PID1: variants seen among roughly 807,000 people sequenced by gnomAD.
PID1 encodes PTB-containing, cubilin and LRP1-interacting protein.
Under a neutral mutation model 19.1 loss-of-function variants are expected in PID1, and 10 were observed. That is an observed-to-expected ratio of 0.52 (90% CI 0.32 to 0.89). The LOEUF (loss-of-function observed/expected upper bound fraction) is 0.89, where lower values mean the gene tolerates loss of function less well. Ranked by LOEUF, PID1 falls within the 40% of genes least tolerant of loss-of-function variation. The probability of loss-of-function intolerance (pLI) is 0.03; values close to 1 mark genes in which losing one functional copy is unlikely to be tolerated. For missense variants in PID1, 248 were observed against 285.3 expected (o/e 0.87, Z 0.94); for synonymous variants, 130 against 116.0 (o/e 1.12, Z -0.78).
At chr2:229,105,470 A>AT (rs1225346715) in intron 2 of PID1, among the ~76,000 whole-genome samples, 1 of 152,214 alleles carries the variant, frequency 6.6e-6, no homozygotes, top group African/African-American at 2.4e-5. Flanking sequence ...GAGATATGCA[A>AT]TTTTTTAAAG....
Position 229,239,477 on chromosome 2 carries a change from C to T in PID1, c.30+31537G>A, listed in dbSNP as rs538222072. Among the ~76,000 whole-genome samples the T allele has an allele frequency of 4.8e-3, 728 of 152,158 alleles. 3 individuals carry two copies. The highest frequency in any genetic ancestry group is 8.0e-3 in the Admixed American group (123 of 15,280). ...CCCCCCGTGTCAATCAACACTAATG[C>T]GGTGGGAGCCTGAGAGCCTCAATGT... is the stretch of plus-strand genomic sequence containing the variant. On this transcript the variant is annotated intron_variant, in intron 1 of 2. Coordinates refer to ENST00000392055, the MANE Select transcript of PID1 (RefSeq NM_001100818.2).
intron 2 of PID1, among the ~76,000 whole-genome samples, chr2:229,089,653 T>C (rs1461974638): frequency 1.3e-5 from 2 of 152,152 alleles, no homozygotes; most frequent in Non-Finnish European, 1.5e-5. Flanking sequence ...TAAACATATA[T>C]GGAATACATA....
intron 1 of PID1, among the ~76,000 whole-genome samples, chr2:229,254,207 G>A (rs1690229919): frequency 6.6e-6 from 1 of 152,112 alleles, no homozygotes; most frequent in Non-Finnish European, 1.5e-5. Context: ...CTACTGAAGA[G>A]GGATAGAATA....
At chr2:229,253,095 C>T (rs1361434373) in intron 1 of PID1, among the ~76,000 whole-genome samples, 1 of 152,210 alleles carries the variant, frequency 6.6e-6, no homozygotes, top group African/African-American at 2.4e-5. Context: ...AAAGAATCCA[C>T]ATTGTCCTAG....
chr2:229,069,178 T>TGTGTGTGTGTGTGA (rs756406662), intron 2 of PID1, among the ~76,000 whole-genome samples: 1 of 117,532 alleles, frequency 8.5e-6, no homozygotes, highest in Non-Finnish European at 1.8e-5. Context: ...TGTGTGTGTG[T>TGTGTGTGTGTGTGA]GAGATGAGGG....
At chr2:229,046,062 G>A (rs4973149) in intron 2 of PID1, among the ~76,000 whole-genome samples, 81,614 of 151,670 alleles carry the variant, frequency 0.54, 23,082 homozygotes, top group African/African-American at 0.72. Flanking sequence ...ATCAGGGCCT[G>A]AAGGAAAAAA....
At chr2:229,042,755 A>G (rs1271343749) in intron 2 of PID1, among the ~76,000 whole-genome samples, 1 of 152,192 alleles carries the variant, frequency 6.6e-6, no homozygotes, top group East Asian at 1.9e-4. Flanking sequence ...TTTAATGACT[A>G]GTCCCGTTAC....
intron 2 of PID1, among the ~76,000 whole-genome samples, chr2:229,106,694 C>T (rs771642873): frequency 7.9e-5 from 12 of 152,226 alleles, no homozygotes; most frequent in Non-Finnish European, 1.5e-4. Context: ...TAATCTTAGA[C>T]TTCCCAGTCT....
At chr2:229,138,879 A>G (rs1358877782) in intron 2 of PID1, among the ~76,000 whole-genome samples, 1 of 150,974 alleles carries the variant, frequency 6.6e-6, no homozygotes, top group Non-Finnish European at 1.5e-5. Context: ...AAAAAAATGG[A>G]AAGCGGGTGG....
In PID1 at chr2:229,056,566, AC is replaced by A. The variant is rs1170498608; in HGVS notation, c.178-30459del. ...TAAATCTATTTCAAAAAGTAAAAAA[AC>A]ATATTTCTCTTTGACTACAGCCCAG... On this transcript the variant is annotated intron_variant, in intron 2 of 2. Coordinates refer to ENST00000392055, the MANE Select transcript of PID1 (RefSeq NM_001100818.2). 5.3e-5 allele frequency among the ~76,000 whole-genome samples: 8 copies of A among 149,764 alleles called. No individual in the cohort carries two copies. In the South Asian group the frequency reaches 1.7e-3, roughly 32 times the overall value.
intron 1 of PID1, among the ~76,000 whole-genome samples, chr2:229,194,818 C>T (rs925307931): frequency 1.3e-5 from 2 of 151,778 alleles, no homozygotes; most frequent in African/African-American, 4.8e-5. Context: ...ATTAACATTC[C>T]TATATTACAA....
chr2:229,088,181 A>C lies in PID1; in HGVS notation c.178-62073T>G, dbSNP rs559720315. ...ATTCTGAAGAGTATAAAGATTCTTG[A>C]TGAAATAGGTGAGTCCTTATGAACG... On this transcript the variant is annotated intron_variant, in intron 2 of 2. Transcript: ENST00000392055. Among the ~76,000 whole-genome samples, 129 of 152,314 alleles carry C rather than the reference A, an allele frequency of 8.5e-4. 1 individual carries two copies. The highest frequency in any genetic ancestry group is 3.1e-3 in the African/African-American group (127 of 41,572).
intron 2 of PID1, among the ~76,000 whole-genome samples, chr2:229,028,929 C>G (rs1025027325): frequency 6.6e-6 from 1 of 152,162 alleles, no homozygotes; most frequent in African/African-American, 2.4e-5. Context: ...TACTAATAAG[C>G]GGCTCACTCA....
chr2:229,145,289 C>A (rs1247462575), intron 2 of PID1, among the ~76,000 whole-genome samples: 3 of 150,730 alleles, frequency 2.0e-5, no homozygotes, highest in African/African-American at 7.3e-5. Context: ...TTTGGAGAGT[C>A]TCTAAGAAGT....
intron 1 of PID1, chr2:229,231,817 C>T (rs2106267585): frequency 6.6e-7 from 1 of 1,505,602 alleles, no homozygotes; most frequent in Non-Finnish European, 8.9e-7. Context: ...ACCAAACCTA[C>T]TTCCCACTCC....
rs1339567682 is a variant in PID1, at chr2:229,210,552, AAAC to A, written c.31-54591_31-54589del. ...AAAAAAAAAAAAAAAAAAAAAAAAA[AAAC>A]AACCTAGAAGGAAAAAGTCAGAAGA... On this transcript the variant is annotated intron_variant, in intron 1 of 2. Coordinates refer to ENST00000392055, the MANE Select transcript of PID1 (RefSeq NM_001100818.2). 6.6e-4 allele frequency among the ~76,000 whole-genome samples: 63 copies of A among 95,528 alleles called. 12 individuals are homozygous for A. Among genetic ancestry groups the A allele is most frequent in the South Asian group, 2.6e-3 (6 of 2,292 alleles). 62.7% of individuals were successfully genotyped at this position (95,528 alleles called of 152,430 possible).
At chr2:229,211,893 T>C (rs991191659) in intron 1 of PID1, among the ~76,000 whole-genome samples, 10 of 152,258 alleles carry the variant, frequency 6.6e-5, no homozygotes, top group African/African-American at 2.4e-4. Flanking sequence ...GAAAATTGTA[T>C]GTACTAGACT....
At chr2:229,102,578 G>T (rs1695095437) in intron 2 of PID1, among the ~76,000 whole-genome samples, 1 of 152,196 alleles carries the variant, frequency 6.6e-6, no homozygotes, top group Non-Finnish European at 1.5e-5. Context: ...GACACCAGAA[G>T]CTGGTCTGCA....
intron 2 of PID1, among the ~76,000 whole-genome samples, chr2:229,145,155 G>GTGTGTGTGTGTATATACA (rs1391018424): frequency 4.0e-4 from 48 of 119,968 alleles, no homozygotes; most frequent in African/African-American, 1.3e-3. Flanking sequence ...ATATGTATGT[G>GTGTGTGTGTGTATATACA]TATATATATA....
Sources: gnomAD v4.1 joint callset for allele counts (sites outside exome capture counted in the v4.1 genomes callset) on GRCh38, gnomAD v4.1.1 for gene constraint, MANE v1.5 for transcripts, NCBI Gene and HGNC (gene_info 2026-07-23, HGNC 2026-07-21) for gene names.